The following NT5DC1 variants were observed in gnomAD, a reference collection of about 807,000 sequenced individuals.
The protein encoded by NT5DC1 is 5'-nucleotidase domain containing 1, also known as 5'-nucleotidase domain-containing protein 1.
Under a neutral mutation model 59.4 loss-of-function variants are expected in NT5DC1, and 42 were observed. The ratio of observed to expected loss-of-function variants is 0.71; its 90% CI spans 0.55 to 0.92. The LOEUF (loss-of-function observed/expected upper bound fraction) is 0.92. NT5DC1 is among the 40% of genes least tolerant of loss of function. NT5DC1 has a pLI of 0.00. For missense variants in NT5DC1, 501 were observed against 537.1 expected (o/e 0.93, Z 0.66); for synonymous variants, 172 against 188.1 (o/e 0.91, Z 0.70).
chr6:116,190,811 A>G (rs1162104731), intron 6 of NT5DC1, among the ~76,000 whole-genome samples: 1 of 151,990 alleles, frequency 6.6e-6, no homozygotes, highest in Non-Finnish European at 1.5e-5. Context: ...GGTCTGCTGG[A>G]TTTCAGTAAT....
chr6:116,178,847 A>T (rs986708473), intron 6 of NT5DC1, among the ~76,000 whole-genome samples: 7 of 152,198 alleles, frequency 4.6e-5, no homozygotes, highest in Non-Finnish European at 1.0e-4. Flanking sequence ...TTGCAATTTC[A>T]GTGTTTGCCT....
intron 6 of NT5DC1, among the ~76,000 whole-genome samples, chr6:116,170,424 A>G (rs774197468): frequency 1.3e-5 from 2 of 151,952 alleles, no homozygotes; most frequent in Non-Finnish European, 1.5e-5. Context: ...GCCACCATTT[A>G]TTTTTTCCAA....
intron 6 of NT5DC1, among the ~76,000 whole-genome samples, chr6:116,154,926 A>G (rs1359259427): frequency 6.6e-6 from 1 of 152,230 alleles, no homozygotes; most frequent in Non-Finnish European, 1.5e-5. Flanking sequence ...AACATCATTT[A>G]GGAGTTTAAA....
In NT5DC1 at chr6:116,115,768, AAAGT is replaced by A. The variant is rs1778952718; in HGVS notation, c.444+3_444+6del. The A allele has an allele frequency of 3.9e-6, 6 of 1,529,826 alleles. No individual in the cohort carries two copies. The highest frequency in any genetic ancestry group is 5.4e-6 in the Non-Finnish European group (6 of 1,103,556). The allele number at this position is 1,529,826 out of a possible 1,614,324, so 94.8% of individuals were successfully genotyped here. On this transcript the variant is annotated splice_donor_variant and coding_sequence_variant, in exon 5 of 12. Transcript: ENST00000319550. LOFTEE classifies it high-confidence loss of function. ...TGCCAGGGTGGTGGACTATTTAACAAAAGTAAGTGGGGACTCATTTTTTAAAACT... is the reference window on the plus strand; with the variant it reads ...TGCCAGGGTGGTGGACTATTTAACAAAAGTGGGGACTCATTTTTTAAAACT...
intron 3 of NT5DC1, 127 bp from the exon 4 acceptor site, chr6:116,110,723 T>G (rs1208888571): frequency 1.3e-6 from 1 of 764,308 alleles, no homozygotes. Flanking sequence ...GGCACCCAGT[T>G]GAAAACAGAA....
chr6:116,109,629 T>G (rs1398538650), intron 3 of NT5DC1, among the ~76,000 whole-genome samples: 1 of 152,222 alleles, frequency 6.6e-6, no homozygotes, highest in Non-Finnish European at 1.5e-5. Flanking sequence ...CTTGATGCTT[T>G]CTTTCAACCA....
chr6:116,198,598 G>A (rs1019242248), intron 6 of NT5DC1, among the ~76,000 whole-genome samples: 2 of 151,858 alleles, frequency 1.3e-5, no homozygotes, highest in Non-Finnish European at 2.9e-5. Flanking sequence ...AGATCTGGTG[G>A]TGTGCACCTG....
intron 6 of NT5DC1, among the ~76,000 whole-genome samples, chr6:116,220,402 C>A (rs1459330023): frequency 6.6e-6 from 1 of 152,126 alleles, no homozygotes; most frequent in Non-Finnish European, 1.5e-5. Context: ...CGTGGCCACT[C>A]TAAAGGGGCA....
intron 6 of NT5DC1, among the ~76,000 whole-genome samples, chr6:116,150,902 G>C (rs1386091529): frequency 1.3e-5 from 2 of 152,058 alleles, no homozygotes; most frequent in Non-Finnish European, 1.5e-5. Flanking sequence ...CCATTACATA[G>C]GTTGATTTTA....
intron 8 of NT5DC1, among the ~76,000 whole-genome samples, chr6:116,231,336 C>T (rs960573907): frequency 1.3e-5 from 2 of 151,794 alleles, no homozygotes; most frequent in African/African-American, 4.8e-5. Context: ...AAAAGTCTAG[C>T]CCAGAATTGA....
chr6:116,246,258 G>GTTTT lies in NT5DC1; in HGVS notation c.*2234_*2235insTTTT, dbSNP rs1771846175. On this transcript the variant is annotated 3_prime_UTR_variant, in exon 12 of 12. Transcript: ENST00000319550. ...AAGCGAGCGGAGGTTTTCTTTGCTGGCCACTGTTTATCGCATCAGCAGAGG... is the reference window on the plus strand; with the variant it reads ...AAGCGAGCGGAGGTTTTCTTTGCTGGTTTTCCACTGTTTATCGCATCAGCAGAGG... The GTTTT allele has an allele frequency of 2.0e-5, 3 of 151,994 alleles. No individual in the cohort carries two copies. Among genetic ancestry groups the GTTTT allele is most frequent in the Admixed American group, 2.0e-4 (3 of 15,252 alleles). The allele number at this position is 151,994 out of a possible 1,614,324, so 9.4% of individuals were successfully genotyped here.
chr6:116,120,799 A>T, intron 6 of NT5DC1: 1 of 1,612,616 alleles, frequency 6.2e-7, no homozygotes, highest in Non-Finnish European at 8.5e-7. Context: ...CTCTTGGGCC[A>T]GCCTCTCCAT....
At chr6:116,178,192 A>C (rs1230596274) in intron 6 of NT5DC1, among the ~76,000 whole-genome samples, 1 of 151,060 alleles carries the variant, frequency 6.6e-6, no homozygotes, top group Non-Finnish European at 1.5e-5. Flanking sequence ...ATTTGCTTGA[A>C]ACCCTTCTTG....
intron 6 of NT5DC1, among the ~76,000 whole-genome samples, chr6:116,143,026 T>C (rs1489538464): frequency 1.3e-5 from 2 of 152,222 alleles, no homozygotes; most frequent in Admixed American, 1.3e-4. Context: ...GGAAGAAGAC[T>C]ATGGTTCTGT....
intron 8 of NT5DC1, among the ~76,000 whole-genome samples, chr6:116,228,484 G>A (rs1781949897): frequency 6.7e-6 from 1 of 148,586 alleles, no homozygotes; most frequent in Non-Finnish European, 1.5e-5. Context: ...CTCCAGCCTG[G>A]GCAACAAGAG....
chr6:116,220,720 A>T (rs953028197), intron 6 of NT5DC1, among the ~76,000 whole-genome samples: 2 of 152,246 alleles, frequency 1.3e-5, no homozygotes, highest in Non-Finnish European at 2.9e-5. Flanking sequence ...GAGTATTTGT[A>T]ACAATTGATA....
rs1387555605 is a variant in NT5DC1, at chr6:116,249,170, C to G, written c.*5146C>G. 7.5e-6 allele frequency: 1 copy of G among 132,626 alleles called. No individual in the cohort carries two copies. Among genetic ancestry groups the G allele is most frequent in the African/African-American group, 2.5e-5 (1 of 40,492 alleles). 8.2% of individuals were successfully genotyped at this position (132,626 alleles called of 1,614,324 possible). A position where few individuals can be genotyped will look rare whatever the true frequency, so the allele number is the denominator to read the frequency against. On this transcript the variant is annotated 3_prime_UTR_variant, in exon 12 of 12. Transcript: ENST00000319550. ...GGATGTAGAGCTTGCAAAAGAAAACCTAGCTCTCTAATACTTAAAGTTCTC... is the reference window on the plus strand; with the variant it reads ...GGATGTAGAGCTTGCAAAAGAAAACGTAGCTCTCTAATACTTAAAGTTCTC...
At chr6:116,196,174 A>C (rs970354330) in intron 6 of NT5DC1, among the ~76,000 whole-genome samples, 1 of 152,034 alleles carries the variant, frequency 6.6e-6, no homozygotes, top group East Asian at 1.9e-4. Context: ...CTCCTACTCC[A>C]TAAGCATCTA....
intron 6 of NT5DC1, among the ~76,000 whole-genome samples, chr6:116,163,010 C>A (rs894642101): frequency 3.3e-5 from 5 of 150,962 alleles, no homozygotes; most frequent in Admixed American, 6.6e-5. Context: ...ACTTATAGTC[C>A]CAGCTACTCA....
Sources: allele counts gnomAD v4.1 joint callset (sites outside exome capture counted in the v4.1 genomes callset), GRCh38; gene constraint gnomAD v4.1.1; transcripts MANE v1.5; gene names NCBI Gene and HGNC (gene_info 2026-07-23, HGNC 2026-07-21).